The following EPHB1 variants were observed in gnomAD, a reference collection of about 807,000 sequenced individuals.
EPHB1 encodes ephrin type-B receptor 1.
In EPHB1, 30 loss-of-function variants were observed where a neutral mutation model predicts 94.4. The ratio of observed to expected loss-of-function variants is 0.32; its 90% CI spans 0.24 to 0.43. The LOEUF is 0.43. EPHB1 is among the 20% of genes least tolerant of loss of function. The pLI is 1.00. For missense variants in EPHB1, 1,055 were observed against 1,308.3 expected (o/e 0.81, Z 2.99); for synonymous variants, 522 against 489.1 (o/e 1.07, Z -0.89).
chr3:134,973,009 G>A (rs1308099133), intron 3 of EPHB1, among the ~76,000 whole-genome samples: 3 of 152,212 alleles, frequency 2.0e-5, no homozygotes, highest in Non-Finnish European at 2.9e-5. Context: ...GGGTTGGTCT[G>A]GCTTCCCTTC....
In EPHB1 at chr3:134,914,322, A is replaced by G. The variant is rs36204; in HGVS notation, c.59-11494A>G. ...CAACTACCACTTGTCAGAGGCTGCA[A>G]TAGGTGCTTGGTAAATAATATTTTA... is the stretch of plus-strand genomic sequence containing the variant. On this transcript the variant is annotated intron_variant, in intron 1 of 15. Coordinates refer to ENST00000398015, the MANE Select transcript of EPHB1 (RefSeq NM_004441.5). 2.3e-3 allele frequency among the ~76,000 whole-genome samples: 345 copies of G among 152,358 alleles called. 1 individual carries two copies. Among genetic ancestry groups the G allele is most frequent in the African/African-American group, 8.0e-3 (334 of 41,588 alleles).
chr3:135,067,007 T>C (rs944196190), intron 3 of EPHB1, among the ~76,000 whole-genome samples: 6 of 152,174 alleles, frequency 3.9e-5, no homozygotes, highest in Non-Finnish European at 8.8e-5. Flanking sequence ...GGGCTGTTAC[T>C]GGGGGTTGTC....
At chr3:134,919,574 C>T (rs925580000) in intron 1 of EPHB1, among the ~76,000 whole-genome samples, 21 of 152,140 alleles carry the variant, frequency 1.4e-4, no homozygotes, top group Admixed American at 1.0e-3. Context: ...TAGTGCTGGG[C>T]TCCTGTTGCA....
rs574277818 is a variant in EPHB1 at position 134,951,273 on chromosome 3, C to G, written c.124-98C>G. 8 of 1,135,060 alleles carry G rather than the reference C, an allele frequency of 7.0e-6. No individual in the cohort carries two copies. The South Asian group carries it at 1.1e-4, about 16-fold the overall frequency. 70.3% of individuals were successfully genotyped at this position (1,135,060 alleles called of 1,614,324 possible). A position where few individuals can be genotyped will look rare whatever the true frequency, so the allele number is the denominator to read the frequency against. On this transcript the variant is annotated intron_variant, in intron 2 of 15. Transcript: ENST00000398015. This position sits in a 1 kb window ranked among gnomAD's most constrained non-coding sequence, Gnocchi z 4.5. The stretch of plus-strand genomic sequence containing the variant: ...GCTGGACTGGTGAGCTCTTAAGGCC[C>G]CTTAGCCCCAGGATTCTCCTCTGCT...
At chr3:134,920,196 G>C (rs757254453) in intron 1 of EPHB1, among the ~76,000 whole-genome samples, 1 of 152,022 alleles carries the variant, frequency 6.6e-6, no homozygotes, top group Non-Finnish European at 1.5e-5. Context: ...AGTCTCCATG[G>C]GAGTTACTAA....
chr3:135,259,249 G>A lies in EPHB1; in HGVS notation c.*129G>A, dbSNP rs866260530. 6 of 686,894 alleles carry A rather than the reference G, an allele frequency of 8.7e-6. No individual in the cohort carries two copies. The Admixed American group carries it at 8.7e-5, about 10-fold the overall frequency. 42.5% of individuals were successfully genotyped at this position (686,894 alleles called of 1,614,324 possible). A position where few individuals can be genotyped will look rare whatever the true frequency, so the allele number is the denominator to read the frequency against. On this transcript the variant is annotated 3_prime_UTR_variant, in exon 16 of 16. Transcript: ENST00000398015. The stretch of plus-strand genomic sequence containing the variant: ...TGAGGAATGCATTTCCATCAGTGAA[G>A]AATCAACCGGACCTGTTGCTAGCAG...
chr3:135,190,632 A>C (rs573333329), intron 10 of EPHB1, among the ~76,000 whole-genome samples: 68 of 152,326 alleles, frequency 4.5e-4, no homozygotes, highest in Admixed American at 7.2e-4. Context: ...CATTTTAATT[A>C]CTAAATAAGT....
intron 3 of EPHB1, among the ~76,000 whole-genome samples, chr3:134,958,733 G>A (rs1933384634): frequency 6.6e-6 from 1 of 152,162 alleles, no homozygotes; most frequent in African/African-American, 2.4e-5. Flanking sequence ...GACCCCCAGA[G>A]AGGAATCAGA....
At chr3:135,038,297 T>A (rs1157211071) in intron 3 of EPHB1, among the ~76,000 whole-genome samples, 1 of 152,252 alleles carries the variant, frequency 6.6e-6, no homozygotes, top group African/African-American at 2.4e-5. Flanking sequence ...CTGTGATTAT[T>A]TTGACTAATG....
intron 3 of EPHB1, among the ~76,000 whole-genome samples, chr3:135,014,460 G>T (rs746187837): frequency 2.0e-5 from 3 of 152,196 alleles, no homozygotes; most frequent in Non-Finnish European, 2.9e-5. Context: ...TACAAGAGTG[G>T]TGCTGAGTTT....
At chr3:135,021,312 C>T (rs2107754437) in intron 3 of EPHB1, among the ~76,000 whole-genome samples, 1 of 152,160 alleles carries the variant, frequency 6.6e-6, no homozygotes, top group South Asian at 2.1e-4. Context: ...TGTATTCAGT[C>T]TTCCATCTGG....
intron 1 of EPHB1, among the ~76,000 whole-genome samples, chr3:134,853,158 AAAG>A (rs1166683426): frequency 2.0e-5 from 3 of 152,196 alleles, no homozygotes; most frequent in African/African-American, 7.2e-5. Context: ...AGTGGAAAGA[AAAG>A]GGGAGACAAA....
intron 2 of EPHB1, among the ~76,000 whole-genome samples, chr3:134,944,827 T>C (rs2039185114): frequency 6.6e-6 from 1 of 152,258 alleles, no homozygotes; most frequent in Non-Finnish European, 1.5e-5. Flanking sequence ...GTAGTCATAA[T>C]TTTGATAAAT....
chr3:135,222,734 T>G (rs1228847853), intron 12 of EPHB1, among the ~76,000 whole-genome samples: 2 of 152,216 alleles, frequency 1.3e-5, no homozygotes, highest in African/African-American at 4.8e-5. Flanking sequence ...ATGAAACTGA[T>G]CTCTGTGAGA....
At chr3:134,867,652 G>A (rs1319339292) in intron 1 of EPHB1, among the ~76,000 whole-genome samples, 1 of 152,200 alleles carries the variant, frequency 6.6e-6, no homozygotes, top group Admixed American at 6.5e-5. Context: ...TGGAAAATGG[G>A]ATGGGGAGGA....
intron 3 of EPHB1, among the ~76,000 whole-genome samples, chr3:134,966,007 C>G (rs1461288757): frequency 1.3e-5 from 2 of 152,180 alleles, no homozygotes; most frequent in African/African-American, 4.8e-5. Flanking sequence ...TGCACTGGCC[C>G]TTCCTTTCAG....
chr3:134,929,506 G>T (rs1013089364), intron 2 of EPHB1, among the ~76,000 whole-genome samples: 1 of 152,200 alleles, frequency 6.6e-6, no homozygotes, highest in African/African-American at 2.4e-5. Context: ...GTGGCATTGG[G>T]ATCATCCAGA....
chr3:134,939,684 A>G (rs964068481), intron 2 of EPHB1, among the ~76,000 whole-genome samples: 2 of 152,116 alleles, frequency 1.3e-5, no homozygotes, highest in Non-Finnish European at 2.9e-5. Context: ...AAGGCTTGGT[A>G]GTGGTGGCTC....
At chr3:134,945,260 GATGAATTTATCAAT>G (rs2039195710) in intron 2 of EPHB1, among the ~76,000 whole-genome samples, 1 of 152,018 alleles carries the variant, frequency 6.6e-6, no homozygotes, top group South Asian at 2.1e-4. Context: ...ATTGTATAGA[GATGAATTTATCAAT>G]ATGTTTATTT....
Sources: allele counts gnomAD v4.1 joint callset (sites outside exome capture counted in the v4.1 genomes callset), GRCh38; gene constraint gnomAD v4.1.1; non-coding constraint Gnocchi (gnomAD v3.1); transcripts MANE v1.5; gene names NCBI Gene and HGNC (gene_info 2026-07-23, HGNC 2026-07-21).